SAMMSON: variants seen among roughly 807,000 people sequenced by gnomAD.
SAMMSON encodes survival associated mitochondrial melanoma specific oncogenic non-coding RNA.
intron 7 of SAMMSON, among the ~76,000 whole-genome samples, chr3:70,332,076 G>C (rs1358525561): frequency 6.6e-6 from 1 of 152,164 alleles, no homozygotes; most frequent in African/African-American, 2.4e-5. Context: ...TTTTGAGTGT[G>C]GCTTTCTCTT....
intron 4 of SAMMSON, among the ~76,000 whole-genome samples, chr3:70,194,704 A>C (rs1701159121): frequency 6.6e-6 from 1 of 152,206 alleles, no homozygotes; most frequent in African/African-American, 2.4e-5. Flanking sequence ...TTCAATTCAC[A>C]TTTGAAATGC....
chr3:70,369,062 A>G (rs1702943837), intron 9 of SAMMSON, among the ~76,000 whole-genome samples: 1 of 151,556 alleles, frequency 6.6e-6, no homozygotes, highest in South Asian at 2.1e-4. Flanking sequence ...ACTTGTATGT[A>G]TTTTGTTAGA....
intron 7 of SAMMSON, among the ~76,000 whole-genome samples, chr3:70,318,185 C>T (rs193225675): frequency 1.3e-5 from 2 of 152,058 alleles, no homozygotes; most frequent in African/African-American, 2.4e-5. Flanking sequence ...CTTGGCCCAT[C>T]ATTTTTTCAG....
intron 2 of SAMMSON, among the ~76,000 whole-genome samples, chr3:70,417,052 C>CAACAGAGCTCAGATGAG (rs1701270155): frequency 6.6e-6 from 1 of 152,050 alleles, no homozygotes; most frequent in Non-Finnish European, 1.5e-5. Context: ...TGAGCCCGGA[C>CAACAGAGCTCAGATGAG]CTCAGAATCA....
At chr3:70,060,647 G>T (rs367620104) in intron 3 of SAMMSON, among the ~76,000 whole-genome samples, 30 of 152,158 alleles carry the variant, frequency 2.0e-4, no homozygotes, top group African/African-American at 2.4e-5. Context: ...GGGGGGAGAT[G>T]CTACTGGCAT....
At chr3:70,194,082 C>T (rs1032308242) in intron 4 of SAMMSON, among the ~76,000 whole-genome samples, 9 of 152,118 alleles carry the variant, frequency 5.9e-5, no homozygotes, top group African/African-American at 1.9e-4. Flanking sequence ...CATTGCTTTC[C>T]ATATTTTGTC....
chr3:70,136,924 C>A (rs1184632822), intron 4 of SAMMSON, among the ~76,000 whole-genome samples: 1 of 152,130 alleles, frequency 6.6e-6, no homozygotes, highest in Non-Finnish European at 1.5e-5. Flanking sequence ...ATAATATCAA[C>A]ATTTCAATAA....
chr3:70,090,431 C>A (rs921895274), intron 4 of SAMMSON, among the ~76,000 whole-genome samples: 1 of 152,042 alleles, frequency 6.6e-6, no homozygotes, highest in African/African-American at 2.4e-5. Flanking sequence ...TTCATAAAAT[C>A]GATATTCTGG....
At chr3:70,276,970 T>A (rs1399637001) in intron 6 of SAMMSON, among the ~76,000 whole-genome samples, 1 of 150,464 alleles carries the variant, frequency 6.6e-6, no homozygotes, top group East Asian at 1.9e-4. Context: ...TTCACTGGAT[T>A]TTTTTTTTTA....
intron 4 of SAMMSON, among the ~76,000 whole-genome samples, chr3:70,138,631 T>C (rs1226787184): frequency 6.6e-6 from 1 of 152,216 alleles, no homozygotes; most frequent in African/African-American, 2.4e-5. Context: ...ATCATGTCTT[T>C]CTCACACACA....
chr3:70,041,011 T>C (rs891479356), intron 3 of SAMMSON, among the ~76,000 whole-genome samples: 9 of 152,166 alleles, frequency 5.9e-5, no homozygotes, highest in African/African-American at 2.2e-4. Flanking sequence ...CCTTTGACGT[T>C]ACCAGGGGCA....
At chr3:70,224,672 C>G (rs1040133810) in intron 4 of SAMMSON, among the ~76,000 whole-genome samples, 6 of 152,246 alleles carry the variant, frequency 3.9e-5, no homozygotes, top group African/African-American at 1.4e-4. Context: ...GGAATCCACT[C>G]TCTGAGACCC....
intron 2 of SAMMSON, among the ~76,000 whole-genome samples, chr3:70,421,661 T>C (rs1450685823): frequency 6.6e-6 from 1 of 152,110 alleles, no homozygotes; most frequent in East Asian, 1.9e-4. Flanking sequence ...ATGAAAATTA[T>C]CTCCACAGTA....
At chr3:70,073,552 C>G (rs986810871) in intron 4 of SAMMSON, among the ~76,000 whole-genome samples, 3 of 151,888 alleles carry the variant, frequency 2.0e-5, no homozygotes, top group African/African-American at 7.3e-5. Flanking sequence ...ACCCAGAAAA[C>G]TAAGGTTATT....
At chr3:70,004,511 G>C (rs978231687) in intron 1 of SAMMSON, among the ~76,000 whole-genome samples, 1 of 152,072 alleles carries the variant, frequency 6.6e-6, no homozygotes, top group Non-Finnish European at 1.5e-5. Context: ...GGATCCTAGA[G>C]ACAACATAGC....
At chr3:70,132,606 A>C (rs1264422282) in intron 4 of SAMMSON, among the ~76,000 whole-genome samples, 1 of 152,004 alleles carries the variant, frequency 6.6e-6, no homozygotes, top group Non-Finnish European at 1.5e-5. Context: ...GCCATCTTGC[A>C]GGCTGCAACC....
intron 9 of SAMMSON, among the ~76,000 whole-genome samples, chr3:70,364,167 C>G (rs373216365): frequency 6.6e-6 from 1 of 151,740 alleles, no homozygotes; most frequent in Admixed American, 6.6e-5. Flanking sequence ...ACAATTAAAC[C>G]TTTCCAGTGC....
intron 7 of SAMMSON, among the ~76,000 whole-genome samples, chr3:70,331,504 A>G (rs1398612172): frequency 1.3e-5 from 2 of 152,214 alleles, no homozygotes; most frequent in Non-Finnish European, 2.9e-5. Flanking sequence ...AGCATTCCAC[A>G]TAGCTCTTGA....
chr3:70,079,740 T>A (rs2067261350), intron 4 of SAMMSON, among the ~76,000 whole-genome samples: 1 of 151,856 alleles, frequency 6.6e-6, no homozygotes, highest in Non-Finnish European at 1.5e-5. Flanking sequence ...TTATGGGGGG[T>A]TTATCAAGAC....
Sources: allele counts gnomAD v4.1 joint callset (sites outside exome capture counted in the v4.1 genomes callset), GRCh38; gene constraint gnomAD v4.1.1; transcripts MANE v1.5; gene names NCBI Gene and HGNC (gene_info 2026-07-23, HGNC 2026-07-21).